Variants in NECTIN1 observed in about 807,000 individuals in gnomAD.
NECTIN1 encodes nectin-1.
Under a neutral mutation model 48.0 loss-of-function variants are expected in NECTIN1, and 23 were observed. That is an observed-to-expected ratio of 0.48 (90% confidence interval 0.34 to 0.68). The LOEUF (loss-of-function observed/expected upper bound fraction) is 0.68. Among genes scored for constraint, NECTIN1 ranks in the 30% least tolerant of loss-of-function variants. The pLI, the probability that NECTIN1 is intolerant of heterozygous loss-of-function variation, is 0.01. For missense variants in NECTIN1, 591 were observed against 709.9 expected, an observed-to-expected ratio of 0.83 and a Z score of 1.90; for synonymous variants, 270 against 288.9, an observed-to-expected ratio of 0.93 and a Z score of 0.66.
chr11:119,640,477 C>G (rs1038906618), intron 5 of NECTIN1: 12 of 195,740 alleles, frequency 6.1e-5, no homozygotes, highest in African/African-American at 2.8e-4. Flanking sequence ...AAGGCAGGAG[C>G]TGGGAGGGTC....
intron 1 of NECTIN1, among the ~76,000 whole-genome samples, chr11:119,702,732 G>A (rs1011594513): frequency 7.9e-5 from 12 of 152,328 alleles, no homozygotes; most frequent in East Asian, 1.9e-4. Context: ...AAGGCTGTAG[G>A]GAAGATTAAA....
At chr11:119,711,766 G>T (rs560586311) in intron 1 of NECTIN1, among the ~76,000 whole-genome samples, 1 of 152,216 alleles carries the variant, frequency 6.6e-6, no homozygotes, top group South Asian at 2.1e-4. Context: ...TTGTGGGAGT[G>T]TAGAGCAGTC....
At chr11:119,707,875 C>A (rs1855008556) in intron 1 of NECTIN1, among the ~76,000 whole-genome samples, 1 of 152,182 alleles carries the variant, frequency 6.6e-6, no homozygotes, top group Non-Finnish European at 1.5e-5. Context: ...CATTACTACA[C>A]CTATACAATG....
chr11:119,649,164 A>G (rs1458709929), intron 5 of NECTIN1, among the ~76,000 whole-genome samples: 1 of 152,158 alleles, frequency 6.6e-6, no homozygotes, highest in Non-Finnish European at 1.5e-5. Context: ...ACAGATCACG[A>G]GGTCAAGAGA....
In NECTIN1 at chr11:119,688,378, C is replaced by T. The variant is rs147237113; in HGVS notation, c.80-9613G>A. Among the ~76,000 whole-genome samples the T allele has an allele frequency of 5.7e-3, 867 of 152,022 alleles. 5 individuals carry two copies. Among genetic ancestry groups the T allele is most frequent in the South Asian group, 9.6e-3 (46 of 4,798 alleles). On this transcript the variant is annotated intron_variant, in intron 1 of 5. Coordinates refer to ENST00000264025, the MANE Select transcript of NECTIN1 (RefSeq NM_002855.5). ...GCCCACCCTGTGATCCTGAGCAGAC[C>T]CCTGCAGTGATGAGGCTACTCCCCC...
Position 119,684,625 on chromosome 11 carries a change from A to G in NECTIN1, c.80-5860T>C, listed in dbSNP as rs1865123747. Among the ~76,000 whole-genome samples, 3 of 151,890 alleles carry G rather than the reference A, an allele frequency of 2.0e-5. No individual in the cohort carries two copies. In the South Asian group the frequency reaches 6.2e-4, roughly 32 times the overall value. On this transcript the variant is annotated intron_variant, in intron 1 of 5. Transcript: ENST00000264025. This position sits in a 1 kb window ranked among gnomAD's most constrained non-coding sequence, Gnocchi z 5.2. ...CCATCTGAAACCCTGCTGAGGCAGC[A>G]CAGTGACCTAAAGGTTATAGGCCCC...
intron 1 of NECTIN1, among the ~76,000 whole-genome samples, chr11:119,704,271 G>C (rs1865509364): frequency 6.6e-6 from 1 of 151,956 alleles, no homozygotes; most frequent in South Asian, 2.1e-4. Context: ...CGCCCAGGCT[G>C]GAGGGCAGTG....
At chr11:119,688,319 T>C (rs549416494) in intron 1 of NECTIN1, among the ~76,000 whole-genome samples, 90 of 152,286 alleles carry the variant, frequency 5.9e-4, no homozygotes, top group Non-Finnish European at 1.1e-3. Flanking sequence ...AGAAATCACG[T>C]GCTCTGGTTC....
intron 4 of NECTIN1, among the ~76,000 whole-genome samples, chr11:119,676,574 G>C (rs1430837668): frequency 1.3e-5 from 2 of 152,228 alleles, no homozygotes; most frequent in Non-Finnish European, 2.9e-5. Context: ...GCGAAGGCAA[G>C]GCAAGGCGAA....
intron 1 of NECTIN1, among the ~76,000 whole-genome samples, chr11:119,696,820 TA>T (rs367906142): frequency 6.6e-6 from 1 of 152,126 alleles, no homozygotes; most frequent in African/African-American, 2.4e-5. Context: ...GCAGGCGGCA[TA>T]GGGGCGGATG....
At chr11:119,640,986 T>C (rs530158713) in intron 5 of NECTIN1, 38 of 152,346 alleles carry the variant, frequency 2.5e-4, no homozygotes, top group Admixed American at 1.5e-3. Flanking sequence ...CCAATTTTCC[T>C]AAAGTGGAAT....
chr11:119,641,015 CACTCACTCACTT>C (rs890816202), intron 5 of NECTIN1: 1 of 152,214 alleles, frequency 6.6e-6, no homozygotes, highest in Non-Finnish European at 1.5e-5. Context: ...CCCTTCCACT[CACTCACTCACTT>C]ACTCACTCAC....
chr11:119,649,997 C>T (rs570564610), intron 5 of NECTIN1, among the ~76,000 whole-genome samples: 13 of 150,680 alleles, frequency 8.6e-5, no homozygotes, highest in African/African-American at 2.7e-4. Context: ...AGAGAGTCAG[C>T]GAAGGGAGAT....
Position 119,663,036 on chromosome 11 carries a change from T to C in NECTIN1, c.*1711A>G. 6 of 330,500 alleles carry C rather than the reference T, an allele frequency of 1.8e-5. No individual in the cohort carries two copies. Among genetic ancestry groups the C allele is most frequent in the Non-Finnish European group, 2.3e-5 (6 of 263,068 alleles). The allele number at this position is 330,500 out of a possible 1,614,324, so 20.5% of individuals were successfully genotyped here. ...GCACCAGGGAGGGGAGGGGAGGGGT[T>C]GGGGGGCTCCCTTAGGAAGCCTATG... On this transcript the variant is annotated 3_prime_UTR_variant, in exon 6 of 6. Coordinates refer to ENST00000264025, the MANE Select transcript of NECTIN1 (RefSeq NM_002855.5).
At chr11:119,641,931 A>G (rs2089647) in intron 5 of NECTIN1, 21,348 of 150,520 alleles carry the variant, frequency 0.14, 2,470 homozygotes, top group African/African-American at 0.32. Context: ...GGGTTTCACC[A>G]TGTTAGCCAG....
At chr11:119,638,772 A>T in exon 7 of NECTIN1, 1 of 1,613,898 alleles carries the variant, frequency 6.2e-7, no homozygotes, top group Middle Eastern at 1.6e-4. Context: ...CTGCTGGGAG[A>T]AGGCTCCGGC....
chr11:119,693,516 G>A (rs913663647), intron 1 of NECTIN1, among the ~76,000 whole-genome samples: 14 of 152,346 alleles, frequency 9.2e-5, no homozygotes, highest in Admixed American at 9.1e-4. Context: ...GCCCAGGAGT[G>A]GAAGGTGCTG....
chr11:119,705,298 C>T (rs770398751), intron 1 of NECTIN1, among the ~76,000 whole-genome samples: 20 of 152,270 alleles, frequency 1.3e-4, no homozygotes, highest in Middle Eastern at 3.4e-3. Context: ...CTATTAGGTC[C>T]CAGGCATACA....
At chr11:119,667,456 C>A (rs1460703429) in intron 5 of NECTIN1, among the ~76,000 whole-genome samples, 1 of 152,218 alleles carries the variant, frequency 6.6e-6, no homozygotes, top group African/African-American at 2.4e-5. Context: ...AGAGACAGCA[C>A]ATGCAGATGT....
Sources: allele counts gnomAD v4.1 joint callset (sites outside exome capture counted in the v4.1 genomes callset), GRCh38; gene constraint gnomAD v4.1.1; non-coding constraint Gnocchi (gnomAD v3.1); transcripts MANE v1.5; gene names NCBI Gene and HGNC (gene_info 2026-07-23, HGNC 2026-07-21).